FAM168A: variants seen among roughly 807,000 people sequenced by gnomAD.
FAM168A encodes family with sequence similarity 168 member A.
FAM168A carries 3 observed loss-of-function variants against 28.5 expected under a neutral mutation model. The observed-to-expected ratio is 0.11, with a 90% CI of 0.05 to 0.27. The LOEUF (loss-of-function observed/expected upper bound fraction) is 0.27, where lower values mean the gene tolerates loss of function less well. FAM168A is among the 10% of genes least tolerant of loss of function. The pLI is 1.00. For missense variants in FAM168A, 222 were observed against 311.5 expected (o/e 0.71, Z 2.16); for synonymous variants, 122 against 124.2 (o/e 0.98, Z 0.12).
At chr11:73,460,328 A>G (rs1257536972) in intron 2 of FAM168A, among the ~76,000 whole-genome samples, 3 of 152,004 alleles carry the variant, frequency 2.0e-5, no homozygotes, top group African/African-American at 7.3e-5. Context: ...CCCATCTCAT[A>G]CTTCTCTGCT....
At chr11:73,454,919 T>C (rs1867501126) in intron 2 of FAM168A, among the ~76,000 whole-genome samples, 2 of 152,172 alleles carry the variant, frequency 1.3e-5, no homozygotes, top group Non-Finnish European at 2.9e-5. Context: ...TTAGGCTACC[T>C]CATTTTTCCT....
At chr11:73,534,477 A>G (rs1943552475) in intron 1 of FAM168A, among the ~76,000 whole-genome samples, 1 of 150,912 alleles carries the variant, frequency 6.6e-6, no homozygotes, top group African/African-American at 2.4e-5. Flanking sequence ...ATCGCAGTTC[A>G]CTGCAACCTC....
chr11:73,579,931 T>G (rs1944224179), intron 1 of FAM168A, among the ~76,000 whole-genome samples: 1 of 152,214 alleles, frequency 6.6e-6, no homozygotes, highest in Non-Finnish European at 1.5e-5. Context: ...TTTAGGTACC[T>G]TAAGCAGTAT....
chr11:73,470,150 T>A (rs376953567), intron 1 of FAM168A, among the ~76,000 whole-genome samples: 14 of 152,290 alleles, frequency 9.2e-5, no homozygotes, highest in African/African-American at 2.6e-4. Context: ...GACCTCGTGA[T>A]CCACCCACCT....
intron 1 of FAM168A, among the ~76,000 whole-genome samples, chr11:73,486,784 T>G (rs1868058870): frequency 6.6e-6 from 1 of 152,194 alleles, no homozygotes; most frequent in Non-Finnish European, 1.5e-5. Context: ...AAAATGGCCC[T>G]CAATAGAAAA....
At chr11:73,448,764 AG>A in intron 2 of FAM168A, among the ~76,000 whole-genome samples, 1 of 152,202 alleles carries the variant, frequency 6.6e-6, no homozygotes, top group South Asian at 2.1e-4. Flanking sequence ...TAATGACTAG[AG>A]CTACAGCAGC....
intron 2 of FAM168A, chr11:73,452,243 A>C (rs1232812548): frequency 6.6e-6 from 1 of 152,304 alleles, no homozygotes; most frequent in African/African-American, 2.4e-5. Context: ...AAGGGAGCTA[A>C]CAATGAGTGT....
intron 5 of FAM168A, 120 bp downstream of exon 5, chr11:73,411,274 G>A (rs768153622): frequency 4.9e-5 from 55 of 1,131,464 alleles, no homozygotes; most frequent in Non-Finnish European, 6.2e-5. Flanking sequence ...CAACAAGGAC[G>A]GCTAGCCAGA....
chr11:73,453,936 AT>A (rs1867479521), intron 2 of FAM168A, among the ~76,000 whole-genome samples: 1 of 152,270 alleles, frequency 6.6e-6, no homozygotes, highest in Non-Finnish European at 1.5e-5. Flanking sequence ...CATGAGCTTA[AT>A]TAGCAGGGAA....
chr11:73,413,163 C>G (rs10898919), intron 4 of FAM168A, among the ~76,000 whole-genome samples: 3 of 152,108 alleles, frequency 2.0e-5, no homozygotes, highest in African/African-American at 7.3e-5. Flanking sequence ...TGGCTTAGCA[C>G]CCCCCTGCCC....
At chr11:73,568,652 C>G (rs1347871084) in intron 1 of FAM168A, among the ~76,000 whole-genome samples, 1 of 152,054 alleles carries the variant, frequency 6.6e-6, no homozygotes, top group Non-Finnish European at 1.5e-5. Context: ...ATCCCAGCAC[C>G]TTGGGAGGCC....
intron 1 of FAM168A, among the ~76,000 whole-genome samples, chr11:73,506,864 T>C (rs1258983627): frequency 6.6e-6 from 1 of 152,156 alleles, no homozygotes; most frequent in African/African-American, 2.4e-5. Context: ...GACAAATTCA[T>C]AAAAAGCTTC....
chr11:73,534,574 TG>T (rs1304813845), intron 1 of FAM168A, among the ~76,000 whole-genome samples: 1 of 152,018 alleles, frequency 6.6e-6, no homozygotes, highest in African/African-American at 2.4e-5. Context: ...GGAAAATTTT[TG>T]TATTTTTAGT....
chr11:73,543,112 C>T (rs906188562), intron 1 of FAM168A, among the ~76,000 whole-genome samples: 5 of 152,110 alleles, frequency 3.3e-5, no homozygotes, highest in Admixed American at 2.6e-4. Context: ...CTTTCAATCA[C>T]ACCCTTTTCC....
intron 2 of FAM168A, among the ~76,000 whole-genome samples, chr11:73,459,485 CAAAAAAAGAAA>C (rs1867603270): frequency 8.3e-6 from 1 of 120,892 alleles, no homozygotes; most frequent in African/African-American, 3.2e-5. Flanking sequence ...GACTCTGAGT[CAAAAAAAGAAA>C]AAAAAAAGGA....
intron 2 of FAM168A, among the ~76,000 whole-genome samples, chr11:73,438,459 A>T (rs1867132691): frequency 6.6e-6 from 1 of 152,196 alleles, no homozygotes; most frequent in Admixed American, 6.5e-5. Context: ...GCATGAAGGT[A>T]TGAAAGTGCA....
chr11:73,427,165 G>A (rs1167154686), intron 3 of FAM168A, among the ~76,000 whole-genome samples: 1 of 151,892 alleles, frequency 6.6e-6, no homozygotes, highest in Non-Finnish European at 1.5e-5. Flanking sequence ...CTAATTTTTT[G>A]TATTTTTAGT....
intron 1 of FAM168A, among the ~76,000 whole-genome samples, chr11:73,473,686 C>A (rs1867847136): frequency 6.6e-6 from 1 of 152,148 alleles, no homozygotes; most frequent in African/African-American, 2.4e-5. Context: ...CCCAGATATC[C>A]AAATGGCACA....
At chr11:73,423,862 A>G (rs138394488) in intron 3 of FAM168A, among the ~76,000 whole-genome samples, 2,117 of 152,362 alleles carry the variant, frequency 0.014, 27 homozygotes, top group Non-Finnish European at 0.021. Context: ...AGCCTGGCAC[A>G]GAATTTTATA....
Sources: gnomAD v4.1 joint callset for allele counts (sites outside exome capture counted in the v4.1 genomes callset) on GRCh38, gnomAD v4.1.1 for gene constraint, MANE v1.5 for transcripts, NCBI Gene and HGNC (gene_info 2026-07-23, HGNC 2026-07-21) for gene names.